The following ACAD8 variants were observed in gnomAD, a reference collection of about 807,000 sequenced individuals.
ACAD8 encodes acyl-CoA dehydrogenase family member 8.
A neutral mutation model predicts 53.1 loss-of-function variants in ACAD8; 47 were observed. The observed-to-expected ratio is 0.89, with a 90% CI of 0.70 to 1.13. The LOEUF is 1.13. ACAD8 is among the 50% of genes most tolerant of loss of function. The pLI, the probability that ACAD8 is intolerant of heterozygous loss-of-function variation, is 0.00. For missense variants in ACAD8, 494 were observed against 535.0 expected, an observed-to-expected ratio of 0.92 and a Z score of 0.76; for synonymous variants, 198 against 201.3, an observed-to-expected ratio of 0.98 and a Z score of 0.14.
At chr11:134,258,789 G>GT (rs1421995131) in intron 4 of ACAD8, 165 bp downstream of exon 4, 1 of 731,876 alleles carries the variant, frequency 1.4e-6, no homozygotes, top group East Asian at 2.7e-5. Context: ...CAAGGACCAA[G>GT]AAGCCTATCT....
In ACAD8 at chr11:134,257,200, T is replaced by A. The variant is rs1285339776; in HGVS notation, c.323T>A (p.Ile108Asn). 8 of 1,614,040 alleles carry A rather than the reference T, an allele frequency of 5.0e-6. No individual in the cohort carries two copies. Among genetic ancestry groups the A allele is most frequent in the Non-Finnish European group, 5.9e-6 (7 of 1,180,044 alleles). Reference sequence around the variant, plus strand: ...CTGTCACGTCTTGATACCTCTGTCATTTTTGAAGCCTTGGCTACAGGCTGC... The same window carrying A: ...CTGTCACGTCTTGATACCTCTGTCAATTTTGAAGCCTTGGCTACAGGCTGC... Reference protein sequence around the residue: ...SGLSRLDTSVIFEALATGCTS... With the variant: ...SGLSRLDTSVNFEALATGCTS... The change falls in exon 3 of 11, where the codon ATT (isoleucine) becomes AAT (asparagine). Residue 108 changes from isoleucine (I) to asparagine (N), a missense_variant. Ile to Asn is a moderately radical substitution (Grantham distance 149). Transcript: ENST00000281182.
rs753612297 is a variant in ACAD8, at chr11:134,257,192, C to T, written c.315C>T (p.Thr105=). ...GGTCTGGGCTGTCACGTCTTGATAC[C>T]TCTGTCATTTTTGAAGCCTTGGCTA... The part of the protein sequence containing the change: ...VGGSGLSRLD[T]SVIFEALATG... Residue 105 remains threonine, a synonymous_variant, in exon 3 of 11, where the codon ACC becomes ACT. Transcript: ENST00000281182. 1 of 1,614,160 alleles carries T rather than the reference C, an allele frequency of 6.2e-7. No homozygotes were observed. The highest frequency in any genetic ancestry group is 8.5e-7 in the Non-Finnish European group (1 of 1,180,036).
intron 10 of ACAD8, chr11:134,264,060 G>A (rs1940051519): frequency 2.0e-6 from 2 of 984,754 alleles, no homozygotes; most frequent in South Asian, 9.4e-5. Flanking sequence ...ATTAGGAAAA[G>A]TAGGCTGGGT....
At position 134,261,471 on chromosome 11, in the gene ACAD8, G is replaced by A; in HGVS notation, c.939+99G>A. 1.3e-6 allele frequency: 2 copies of A among 1,523,706 alleles called. No individual in the cohort carries two copies. Among genetic ancestry groups the A allele is most frequent in the Non-Finnish European group, 1.8e-6 (2 of 1,104,250 alleles). 94.4% of individuals were successfully genotyped at this position (1,523,706 alleles called of 1,614,324 possible). ...AGGAGAGAAGCCAGGAAATTCCTCT[G>A]TCAGTCCCACCACTGTCCTAGCCAG... On this transcript the variant is annotated intron_variant, in intron 8 of 10. Coordinates refer to ENST00000281182, the MANE Select transcript of ACAD8 (RefSeq NM_014384.3). The surrounding 1 kb of genome is among the most constrained non-coding windows in gnomAD (Gnocchi z 4.2).
At chr11:134,257,599 G>A (rs1292364171) in intron 3 of ACAD8, 1 of 349,668 alleles carries the variant, frequency 2.9e-6, no homozygotes, top group Admixed American at 3.9e-5. Context: ...TGTGAACCCG[G>A]GAGGCGGAGC....
At position 134,257,339 on chromosome 11, in the gene ACAD8, A is replaced by G. The variant is rs1019178849; in HGVS notation, c.380+82A>G. 3.9e-6 allele frequency: 6 copies of G among 1,551,350 alleles called. No individual in the cohort carries two copies. In the African/African-American group the frequency reaches 8.1e-5, roughly 21 times the overall value. ...GTTCAGATTCGTAGGAAAAAGATTG[A>G]TCTTTTGAAGCTGAGTGTCCTCAAG... is the stretch of plus-strand genomic sequence containing the variant. On this transcript the variant is annotated intron_variant, in intron 3 of 10. Transcript: ENST00000281182.
chr11:134,262,326 C>T, intron 9 of ACAD8, 194 bp from the exon 10 acceptor site: 1 of 670,252 alleles, frequency 1.5e-6, no homozygotes, highest in Non-Finnish European at 2.7e-6. Flanking sequence ...CTGGGGGGAA[C>T]TGACAAGTTT....
chr11:134,259,885 A>G, intron 6 of ACAD8, 140 bp downstream of exon 6: 2 of 1,505,966 alleles, frequency 1.3e-6, no homozygotes, highest in Non-Finnish European at 1.8e-6. Context: ...AGGATTTTCA[A>G]CAGGAGCATA....
chr11:134,263,311 T>C lies in ACAD8; in HGVS notation c.1195+689T>C, dbSNP rs1940010288. The C allele has an allele frequency of 9.0e-6, 9 of 1,000,192 alleles. No individual in the cohort carries two copies. In the South Asian group the frequency reaches 3.4e-4, roughly 38 times the overall value. The allele number at this position is 1,000,192 out of a possible 1,614,324, so 62.0% of individuals were successfully genotyped here. On this transcript the variant is annotated intron_variant, in intron 10 of 10. Transcript: ENST00000281182. ...CTGCCTTGCTGGAAACATTATATAA[T>C]GGGGCTTCCCTGCCCCTTTCACAGC...
intron 3 of ACAD8, among the ~76,000 whole-genome samples, chr11:134,257,551 TAGTC>T (rs1355771635): frequency 2.0e-5 from 3 of 151,968 alleles, no homozygotes; most frequent in African/African-American, 7.2e-5. Context: ...CTGGCGCCTG[TAGTC>T]CCAGCTACTC....
chr11:134,261,170 A>C lies in ACAD8; in HGVS notation c.832A>C (p.Ile278Leu). Residue 278 changes from isoleucine to leucine, a missense_variant, in exon 7 of 11, where the codon ATC becomes CTC. Coordinates refer to ENST00000281182, the MANE Select transcript of ACAD8 (RefSeq NM_014384.3). This position sits in a 1 kb window ranked among gnomAD's most constrained non-coding sequence, Gnocchi z 4.2. The stretch of plus-strand genomic sequence containing the variant: ...CGTGAGAGGACTGAACGGAGGGAGG[A>C]TCAATATTGGTGAGATACGCAGGGG... ...IAVRGLNGGR[I>L]NIASCSLGAA... The C allele has an allele frequency of 6.2e-7, 1 of 1,613,200 alleles. No individual in the cohort carries two copies. Among genetic ancestry groups the C allele is most frequent in the South Asian group, 1.1e-5 (1 of 90,804 alleles).
intron 2 of ACAD8, 59 bp from the exon 3 acceptor site, chr11:134,257,029 C>T (rs942282874): frequency 6.3e-7 from 1 of 1,597,926 alleles, no homozygotes; most frequent in African/African-American, 1.3e-5. Flanking sequence ...ACTGTGCCCT[C>T]TAAAAGGAAG....
Position 134,261,231 on chromosome 11 carries a change from C to T in ACAD8, c.842-44C>T, listed in dbSNP as rs1338672503. 3 of 1,614,154 alleles carry T rather than the reference C, an allele frequency of 1.9e-6. No individual in the cohort carries two copies. The South Asian group carries it at 3.3e-5, about 18-fold the overall frequency. On this transcript the variant is annotated intron_variant, in intron 7 of 10. Transcript: ENST00000281182. The surrounding 1 kb of genome is among the most constrained non-coding windows in gnomAD (Gnocchi z 4.2). Reference sequence around the variant, plus strand: ...AGGTAGCGGTCCGGGACAGGCACTGCTGTTTTCCAGCTTGGTTGGAACGTC... The same window carrying T: ...AGGTAGCGGTCCGGGACAGGCACTGTTGTTTTCCAGCTTGGTTGGAACGTC...
At chr11:134,262,960 G>A in intron 10 of ACAD8, 1 of 1,246,562 alleles carries the variant, frequency 8.0e-7, no homozygotes. Flanking sequence ...TGGTTCTCAG[G>A]GATCCAAGAA....
rs1939948320 is a variant in ACAD8, at chr11:134,262,570, TTACGCTGTTCAGC to T, written c.1144_1156del (p.Tyr382SerfsTer12). On this transcript the variant is annotated frameshift_variant, in exon 10 of 11. Coordinates refer to ENST00000281182, the MANE Select transcript of ACAD8 (RefSeq NM_014384.3). LOFTEE classifies it high-confidence loss of function. Reference sequence around the variant, plus strand: ...ACGGGGGCTACGGCTACCTGAAGGATTACGCTGTTCAGCAGTACGTGCGGGACTCCAGGGTCCA... The same window carrying T: ...ACGGGGGCTACGGCTACCTGAAGGATAGTACGTGCGGGACTCCAGGGTCCA... 6.2e-7 allele frequency: 1 copy of T among 1,613,936 alleles called. No homozygotes were observed. Among genetic ancestry groups the T allele is most frequent in the African/African-American group, 1.3e-5 (1 of 74,910 alleles).
At chr11:134,263,220 C>T in intron 10 of ACAD8, 1 of 1,003,920 alleles carries the variant, frequency 1.0e-6, no homozygotes, top group Non-Finnish European at 1.2e-6. Flanking sequence ...CTTGAAATGA[C>T]ACGACTCTTG....
intron 10 of ACAD8, 84 bp downstream of exon 10, chr11:134,262,706 T>C: frequency 6.5e-7 from 1 of 1,527,826 alleles, no homozygotes; most frequent in Non-Finnish European, 8.8e-7. Flanking sequence ...CCATGCCTCC[T>C]GGGCCTCAGG....
At position 134,261,623 on chromosome 11, in the gene ACAD8, T is replaced by C. The variant is rs548490858; in HGVS notation, c.940-115T>C. The C allele has an allele frequency of 1.9e-6, 3 of 1,571,428 alleles. No homozygotes were observed. The highest frequency in any genetic ancestry group is 2.3e-5 in the South Asian group (2 of 86,438). ...CCTCTATAGAAAAAGCAAGAGACTT[T>C]GAAGCTTTGGATCACTTAGAAAAGG... is the stretch of plus-strand genomic sequence containing the variant. On this transcript the variant is annotated intron_variant, in intron 8 of 10. Transcript: ENST00000281182. The surrounding 1 kb of genome is among the most constrained non-coding windows in gnomAD (Gnocchi z 4.2).
chr11:134,255,221 C>T (rs903174266), intron 1 of ACAD8, among the ~76,000 whole-genome samples: 1 of 152,216 alleles, frequency 6.6e-6, no homozygotes, highest in Non-Finnish European at 1.5e-5. Flanking sequence ...ACCGCAACCT[C>T]TGCCCCACGG....
Sources: gnomAD v4.1 joint callset for allele counts (sites outside exome capture counted in the v4.1 genomes callset) on GRCh38, gnomAD v4.1.1 for gene constraint, Gnocchi (gnomAD v3.1) non-coding constraint, MANE v1.5 for transcripts, NCBI Gene and HGNC (gene_info 2026-07-23, HGNC 2026-07-21) for gene names.